AOPEP: variants seen among roughly 807,000 people sequenced by gnomAD.
The protein encoded by AOPEP is aminopeptidase O (putative), also known as aminopeptidase O.
A neutral mutation model predicts 98.1 loss-of-function variants in AOPEP; 77 were observed. That is an observed-to-expected ratio of 0.78 (90% CI 0.65 to 0.95). The LOEUF (loss-of-function observed/expected upper bound fraction) is 0.95, where lower values mean the gene tolerates loss of function less well. Ranked by LOEUF, AOPEP falls within the 40% of genes least tolerant of loss-of-function variation. The pLI is 0.00. For missense variants in AOPEP, 1,024 were observed against 1,024.7 expected (o/e 1.00, Z 0.01); for synonymous variants, 346 against 365.3 (o/e 0.95, Z 0.60).
At chr9:94,914,045 A>G (rs1346637904) in intron 5 of AOPEP, among the ~76,000 whole-genome samples, 1 of 152,252 alleles carries the variant, frequency 6.6e-6, no homozygotes, top group African/African-American at 2.4e-5. Context: ...TCTTCATAAG[A>G]AAAACTAAAC....
chr9:95,016,542 C>T (rs1166677625), intron 13 of AOPEP, among the ~76,000 whole-genome samples: 4 of 151,960 alleles, frequency 2.6e-5, no homozygotes, highest in African/African-American at 9.7e-5. Flanking sequence ...CGCGCCAGGC[C>T]CTTTTGTGAT....
intron 11 of AOPEP, among the ~76,000 whole-genome samples, chr9:94,993,040 TAATC>T (rs1589194847): frequency 1.3e-5 from 2 of 152,212 alleles, no homozygotes; most frequent in Non-Finnish European, 1.5e-5. Flanking sequence ...AACTGAGTAA[TAATC>T]AATCTACAAA....
intron 11 of AOPEP, among the ~76,000 whole-genome samples, chr9:94,997,045 C>T (rs2061289632): frequency 6.6e-6 from 1 of 152,196 alleles, no homozygotes; most frequent in African/African-American, 2.4e-5. Flanking sequence ...ATACCACCTT[C>T]ATGTTTACAG....
intron 13 of AOPEP, among the ~76,000 whole-genome samples, chr9:95,049,255 A>G (rs905625251): frequency 3.2e-4 from 48 of 152,204 alleles, no homozygotes; most frequent in African/African-American, 1.1e-3. Flanking sequence ...CTTTGGAGTA[A>G]AGGTGGAGAT....
At chr9:95,080,177 C>T (rs1587951024) in intron 14 of AOPEP, among the ~76,000 whole-genome samples, 1 of 152,234 alleles carries the variant, frequency 6.6e-6, no homozygotes, top group South Asian at 2.1e-4. Flanking sequence ...AACAGAAACA[C>T]CTGCTTTTCT....
downstream of AOPEP, among the ~76,000 whole-genome samples, chr9:95,088,507 CCTCT>C (rs59531935): frequency 3.1e-3 from 455 of 149,062 alleles, 1 homozygote; most frequent in African/African-American, 9.4e-3. Context: ...CTGTACCCGG[CCTCT>C]CTCTCTCTCT....
At chr9:94,902,109 T>C (rs2050494468) in intron 5 of AOPEP, among the ~76,000 whole-genome samples, 1 of 152,098 alleles carries the variant, frequency 6.6e-6, no homozygotes, top group South Asian at 2.1e-4. Flanking sequence ...TATCAAGAAC[T>C]CTAAGTTGAC....
Position 94,759,963 on chromosome 9 carries a change from T to G in AOPEP, c.180T>G (p.Ile60Met). 1 of 1,614,186 alleles carries G rather than the reference T, an allele frequency of 6.2e-7. No homozygotes were observed. Among genetic ancestry groups the G allele is most frequent in the Non-Finnish European group, 8.5e-7 (1 of 1,180,028 alleles). ...GNRFKKQNSS[I>M]EEACQSESNK... ...GATTCAAGAAACAGAATAGCTCTAT[T>G]GAGGAAGCCTGCCAATCAGAATCAA... The change falls in exon 2 of 17, where the codon ATT becomes ATG. Residue 60 changes from isoleucine (I) to methionine (M), a missense_variant. Physicochemically the swap from Ile to Met is conservative, Grantham distance 10. This residue lies in a region of AOPEP where 440 missense variants were observed against 433.8 expected (regional missense o/e 1.01). Coordinates refer to ENST00000375315, the MANE Select transcript of AOPEP (RefSeq NM_001193329.3).
At chr9:94,916,025 C>T (rs1398164293) in intron 5 of AOPEP, among the ~76,000 whole-genome samples, 4 of 152,120 alleles carry the variant, frequency 2.6e-5, no homozygotes, top group Non-Finnish European at 5.9e-5. Context: ...CTCCAGGCCT[C>T]CACACCGCCA....
chr9:94,753,223 C>A (rs368716245), intron 1 of AOPEP, among the ~76,000 whole-genome samples: 1 of 152,004 alleles, frequency 6.6e-6, no homozygotes, highest in East Asian at 1.9e-4. Flanking sequence ...TAAAATTGGA[C>A]CCAGAAGGAA....
chr9:94,820,326 G>A (rs12352600), intron 5 of AOPEP, among the ~76,000 whole-genome samples: 13,491 of 152,076 alleles, frequency 0.089, 711 homozygotes, highest in African/African-American at 0.13. Context: ...TGAGCTTTTT[G>A]TATTAACCCC....
chr9:94,744,302 G>A (rs963169344), intron 1 of AOPEP, among the ~76,000 whole-genome samples: 1 of 152,182 alleles, frequency 6.6e-6, no homozygotes, highest in Non-Finnish European at 1.5e-5. Flanking sequence ...TGAGGCAGGA[G>A]AATGGCCTGA....
At chr9:94,973,516 G>A (rs930649652) in intron 10 of AOPEP, among the ~76,000 whole-genome samples, 11 of 152,150 alleles carry the variant, frequency 7.2e-5, no homozygotes, top group Admixed American at 5.2e-4. Context: ...CTCCCCTGCC[G>A]TGTTAACTAA....
chr9:95,091,598 C>T (rs188077037), downstream of AOPEP, among the ~76,000 whole-genome samples: 123 of 152,240 alleles, frequency 8.1e-4, 2 homozygotes, highest in Middle Eastern at 6.8e-3. Context: ...TCCCAGCACC[C>T]GCGGGACAGT....
intron 5 of AOPEP, among the ~76,000 whole-genome samples, chr9:94,846,008 T>G (rs1475593897): frequency 6.6e-6 from 1 of 151,192 alleles, no homozygotes; most frequent in Non-Finnish European, 1.5e-5. Context: ...AGCAGGAGAA[T>G]CACATGAACC....
At chr9:94,739,462 T>C (rs1832562830) in intron 1 of AOPEP, among the ~76,000 whole-genome samples, 1 of 152,132 alleles carries the variant, frequency 6.6e-6, no homozygotes, top group East Asian at 1.9e-4. Context: ...CTGACCAACA[T>C]GGTGAAACCC....
chr9:95,140,408 A>G, the AOPEP span, among the ~76,000 whole-genome samples: 4 of 152,236 alleles, frequency 2.6e-5, no homozygotes, highest in Non-Finnish European at 5.9e-5. Flanking sequence ...AAAAAGAGGT[A>G]GCAGGTAAAG....
At chr9:94,835,756 AAG>A (rs1031652122) in intron 5 of AOPEP, among the ~76,000 whole-genome samples, 1 of 152,200 alleles carries the variant, frequency 6.6e-6, no homozygotes, top group African/African-American at 2.4e-5. Flanking sequence ...CAAAATTCCA[AAG>A]AGTGGGTGAG....
Position 95,080,743 on chromosome 9 carries a change from C to T in AOPEP, c.2282C>T (p.Ala761Val), listed in dbSNP as rs776795440. 11 of 1,613,988 alleles carry T rather than the reference C, an allele frequency of 6.8e-6. No individual in the cohort carries two copies. In the Admixed American group the frequency reaches 1.3e-4, roughly 20 times the overall value. Residue 761 changes from alanine to valine, a missense_variant, in exon 15 of 17, where the codon GCC (alanine) becomes GTC (valine). Physicochemically the swap from Ala to Val is moderately conservative, Grantham distance 64. Coordinates refer to ENST00000375315, the MANE Select transcript of AOPEP (RefSeq NM_001193329.3). ...ELIVKHKFTK[A>V]YKSVERFLQE... is the part of the protein sequence containing the mutation. ...ATTGTTAAGCACAAGTTCACGAAAGCCTACAAAAGTGTGGAGAGGTTCCTT... is the reference window on the plus strand; with the variant it reads ...ATTGTTAAGCACAAGTTCACGAAAGTCTACAAAAGTGTGGAGAGGTTCCTT...
Sources: allele counts gnomAD v4.1 joint callset (sites outside exome capture counted in the v4.1 genomes callset), GRCh38; gene constraint gnomAD v4.1.1; regional missense constraint gnomAD v4.1.1; transcripts MANE v1.5; gene names NCBI Gene and HGNC (gene_info 2026-07-23, HGNC 2026-07-21).